Variants in SPTBN1 observed in about 807,000 individuals in gnomAD.
SPTBN1 encodes the protein spectrin beta, non-erythrocytic 1, also known as spectrin beta chain, non-erythrocytic 1.
Under a neutral mutation model 266.4 loss-of-function variants are expected in SPTBN1, and 32 were observed. The ratio of observed to expected loss-of-function variants is 0.12; its 90% CI spans 0.09 to 0.16. The LOEUF is 0.16. SPTBN1 is among the 10% of genes least tolerant of loss of function. The pLI is 1.00. For missense variants in SPTBN1, 2,296 were observed against 3,067.1 expected (o/e 0.75, Z 5.94); for synonymous variants, 1,336 against 1,162.2 (o/e 1.15, Z -3.04).
At position 54,533,624 on chromosome 2, in the gene SPTBN1, C is replaced by T. The variant is rs1029300641; in HGVS notation, c.148+7058C>T. ...GTAGTACGATGGCGCGATCTTGGCT[C>T]ACTGCAACCTCCGCCTCCTGGGTCC... On this transcript the variant is annotated intron_variant, in intron 2 of 35. Coordinates refer to ENST00000356805, the MANE Select transcript of SPTBN1 (RefSeq NM_003128.3). This position sits in a 1 kb window ranked among gnomAD's most constrained non-coding sequence, Gnocchi z 4.2. Among the ~76,000 whole-genome samples, 12 of 152,174 alleles carry T rather than the reference C, an allele frequency of 7.9e-5. No homozygotes were observed. Among genetic ancestry groups the T allele is most frequent in the African/African-American group, 2.7e-4 (11 of 41,428 alleles).
chr2:54,498,579 G>C (rs1669091798), intron 1 of SPTBN1, among the ~76,000 whole-genome samples: 1 of 151,986 alleles, frequency 6.6e-6, no homozygotes, highest in South Asian at 2.1e-4. Flanking sequence ...ATTTGTAAAG[G>C]GCTTAGACCT....
At position 54,631,254 on chromosome 2, in the gene SPTBN1, G is replaced by A; in HGVS notation, c.3207G>A (p.Arg1069=). Reference sequence around the variant, plus strand: ...CCAGCAAGCTGCAGCAGTTCCTACGGGACTTGGACGACTTCCAGTCCTGGC... The same window carrying A: ...CCAGCAAGCTGCAGCAGTTCCTACGAGACTTGGACGACTTCCAGTCCTGGC... ...GEASKLQQFL[R]DLDDFQSWLS... Residue 1069 remains arginine (R), a synonymous_variant, in exon 16 of 36, where the codon CGG becomes CGA. Coordinates refer to ENST00000356805, the MANE Select transcript of SPTBN1 (RefSeq NM_003128.3). The A allele has an allele frequency of 6.2e-7, 1 of 1,614,208 alleles. No homozygotes were observed. The highest frequency in any genetic ancestry group is 8.5e-7 in the Non-Finnish European group (1 of 1,180,014).
At chr2:54,566,185 C>CTTTTTTTT (rs59369956) in intron 2 of SPTBN1, among the ~76,000 whole-genome samples, 52 of 125,192 alleles carry the variant, frequency 4.2e-4, no homozygotes, top group South Asian at 1.0e-3. Flanking sequence ...TTTCTTTTTT[C>CTTTTTTTT]TTTTTTTTTT....
intron 2 of SPTBN1, among the ~76,000 whole-genome samples, chr2:54,534,032 C>T (rs1191048815): frequency 3.3e-5 from 5 of 152,140 alleles, no homozygotes; most frequent in Admixed American, 2.6e-4. Flanking sequence ...ACCTGAGTCT[C>T]GTCGTGGCTG....
In SPTBN1 at chr2:54,622,406, G is replaced by T; in HGVS notation, c.983G>T (p.Arg328Leu). The stretch of plus-strand genomic sequence containing the variant: ...CAAACCATCATCATTCTGAACAATC[G>T]CAAATTTGCCAATTCACTGGTCGGG... The part of the protein sequence containing the change: ...IEQTIIILNN[R>L]KFANSLVGVQ... The change falls in exon 9 of 36, where the codon CGC (arginine) becomes CTC (leucine). Residue 328 changes from arginine to leucine, a missense_variant. Physicochemically the swap from Arg to Leu is moderately radical, Grantham distance 102 (BLOSUM62 -2). Coordinates refer to ENST00000356805, the MANE Select transcript of SPTBN1 (RefSeq NM_003128.3). The T allele has an allele frequency of 6.2e-7, 1 of 1,614,058 alleles. No homozygotes were observed. The highest frequency in any genetic ancestry group is 1.1e-5 in the South Asian group (1 of 91,080).
In SPTBN1 at chr2:54,664,152, A is replaced by C. The variant is rs777364946; in HGVS notation, c.6421-301A>C. 1 of 261,704 alleles carries C rather than the reference A, an allele frequency of 3.8e-6. No homozygotes were observed. The highest frequency in any genetic ancestry group is 5.0e-5 in the Admixed American group (1 of 20,054). 16.2% of individuals were successfully genotyped at this position (261,704 alleles called of 1,614,324 possible). A position where few individuals can be genotyped will look rare whatever the true frequency, so the allele number is the denominator to read the frequency against. ...ATTGTTACTGTTGTCTTTTTGTTTT[A>C]AAGTAACCATAAGAGGAGATGATCT... On this transcript the variant is annotated intron_variant, in intron 32 of 35. Transcript: ENST00000356805. This position sits in a 1 kb window ranked among gnomAD's most constrained non-coding sequence, Gnocchi z 5.6.
At chr2:54,633,408 C>CGTGTGTGTGT (rs370440106) in intron 17 of SPTBN1, among the ~76,000 whole-genome samples, 1 of 146,688 alleles carries the variant, frequency 6.8e-6, no homozygotes, top group Non-Finnish European at 1.5e-5. Context: ...TTTTTATTTA[C>CGTGTGTGTGT]GTGTGTGTGT....
At chr2:54,562,533 CT>C (rs1553447705) in intron 2 of SPTBN1, among the ~76,000 whole-genome samples, 46 of 126,762 alleles carry the variant, frequency 3.6e-4, no homozygotes, top group Admixed American at 6.6e-4. Flanking sequence ...TTTTCTTTTT[CT>C]TTTTTTTTTT....
Position 54,632,770 on chromosome 2 carries a change from TAC to T in SPTBN1, c.3767+4_3767+5del, listed in dbSNP as rs1473822316. On this transcript the variant is annotated splice_donor_region_variant and intron_variant, in intron 17 of 35. Coordinates refer to ENST00000356805, the MANE Select transcript of SPTBN1 (RefSeq NM_003128.3). ...GAAGGTGGACTCTATTGATGACAGG[TAC>T]AGTTTTCTGAGGTTCTTAAGGGAGC... The T allele has an allele frequency of 6.2e-7, 1 of 1,614,054 alleles. No individual in the cohort carries two copies.
At chr2:54,572,601 G>T (rs943174728) in intron 2 of SPTBN1, among the ~76,000 whole-genome samples, 25 of 152,194 alleles carry the variant, frequency 1.6e-4, no homozygotes, top group African/African-American at 6.0e-4. Flanking sequence ...TTTGGCCCAT[G>T]AACTACTTTC....
chr2:54,664,807 A>T lies in SPTBN1; in HGVS notation c.6659+116A>T, dbSNP rs1371966417. 2.8e-6 allele frequency: 3 copies of T among 1,064,672 alleles called. No homozygotes were observed. In the East Asian group the frequency reaches 7.5e-5, roughly 27 times the overall value. The allele number at this position is 1,064,672 out of a possible 1,614,324, so 66.0% of individuals were successfully genotyped here. Reference sequence around the variant, plus strand: ...GCTCATGTAGTTTTATTCCTTTGGTAGCTTCCTGGACATTGCATTCTTCTT... The same window carrying T: ...GCTCATGTAGTTTTATTCCTTTGGTTGCTTCCTGGACATTGCATTCTTCTT... On this transcript the variant is annotated intron_variant, in intron 33 of 35. Coordinates refer to ENST00000356805, the MANE Select transcript of SPTBN1 (RefSeq NM_003128.3). The surrounding 1 kb of genome is among the most constrained non-coding windows in gnomAD (Gnocchi z 5.6).
chr2:54,523,974 C>T lies in SPTBN1; in HGVS notation c.-47-2398C>T, dbSNP rs531051739. ...CAGCACTTTGGGAGGCCAAGGTGGG[C>T]AGATCACAAGGTCTAGGAGTTCGAG... On this transcript the variant is annotated intron_variant, in intron 1 of 35. Transcript: ENST00000356805. 2.6e-5 allele frequency among the ~76,000 whole-genome samples: 4 copies of T among 152,162 alleles called. No homozygotes were observed. In the South Asian group the frequency reaches 6.2e-4, roughly 24 times the overall value.
At chr2:54,627,932 T>G (rs1340036832) in intron 12 of SPTBN1, among the ~76,000 whole-genome samples, 165 bp from the exon 13 acceptor site, 1 of 152,196 alleles carries the variant, frequency 6.6e-6, no homozygotes, top group East Asian at 1.9e-4. Context: ...TGATTTGTTT[T>G]GTTCTGGTTT....
At chr2:54,667,756 T>G in intron 35 of SPTBN1, 110 bp downstream of exon 35, 1 of 982,768 alleles carries the variant, frequency 1.0e-6, no homozygotes, top group South Asian at 1.4e-5. Context: ...CAGTGATGGT[T>G]TCTATCACTG....
At position 54,656,903 on chromosome 2, in the gene SPTBN1, A is replaced by T. The variant is rs149665356; in HGVS notation, c.6046+905A>T. Among the ~76,000 whole-genome samples the T allele has an allele frequency of 6.3e-4, 96 of 152,312 alleles. 1 individual carries two copies. The highest frequency in any genetic ancestry group is 1.9e-3 in the African/African-American group (77 of 41,576). ...CAGCTTGTACACCAGGGACACAGTG[A>T]TATGCACAGTCCCTGCCTTGAAAAG... is the stretch of plus-strand genomic sequence containing the variant. On this transcript the variant is annotated intron_variant, in intron 29 of 35. Transcript: ENST00000356805.
Position 54,616,211 on chromosome 2 carries a change from A to T in SPTBN1, c.479A>T (p.Gln160Leu). ...ATATTTCTTTGTAAATCTTAGATCC[A>T]GGATATCAGTGTGGAAACTGAAGAC... is the stretch of plus-strand genomic sequence containing the variant. Reference protein sequence around the residue: ...IWTIILRFQIQDISVETEDNK... With the variant: ...IWTIILRFQILDISVETEDNK... Residue 160 changes from glutamine (Q) to leucine (L), a missense_variant, in exon 5 of 36, where the codon CAG (glutamine) becomes CTG (leucine). By Grantham distance (113) the Gln-to-Leu change is moderately radical (BLOSUM62 -2). This residue lies in a region of SPTBN1 where 178 missense variants were observed against 375.7 expected (regional missense o/e 0.47). Coordinates refer to ENST00000356805, the MANE Select transcript of SPTBN1 (RefSeq NM_003128.3). 6.2e-7 allele frequency: 1 copy of T among 1,613,528 alleles called. No individual in the cohort carries two copies. The highest frequency in any genetic ancestry group is 1.3e-5 in the African/African-American group (1 of 75,062).
intron 2 of SPTBN1, among the ~76,000 whole-genome samples, chr2:54,542,801 G>C (rs370414709): frequency 1.3e-5 from 2 of 152,230 alleles, no homozygotes; most frequent in East Asian, 3.9e-4. Flanking sequence ...AAAGGGAAGA[G>C]GAAGGAAGAG....
chr2:54,512,447 T>G (rs1669907833), intron 1 of SPTBN1, among the ~76,000 whole-genome samples: 1 of 152,216 alleles, frequency 6.6e-6, no homozygotes, highest in Non-Finnish European at 1.5e-5. Context: ...TGAGAAAATT[T>G]AATAAAGTGT....
At chr2:54,506,123 CTAAATAAA>C (rs56815057) in intron 1 of SPTBN1, among the ~76,000 whole-genome samples, 3,524 of 145,472 alleles carry the variant, frequency 0.024, 81 homozygotes, top group African/African-American at 0.051. Flanking sequence ...GACTCCGTCT[CTAAATAAA>C]TAAATAAATA....
Sources: gnomAD v4.1 joint callset for allele counts (sites outside exome capture counted in the v4.1 genomes callset) on GRCh38, gnomAD v4.1.1 for gene constraint, gnomAD v4.1.1 regional missense constraint, Gnocchi (gnomAD v3.1) non-coding constraint, MANE v1.5 for transcripts, NCBI Gene and HGNC (gene_info 2026-07-23, HGNC 2026-07-21) for gene names.